The following WAC variants were observed in gnomAD, a reference collection of about 807,000 sequenced individuals.
WAC encodes the protein WW domain containing adaptor with coiled-coil, also known as WW domain-containing adapter protein with coiled-coil.
WAC carries 11 observed loss-of-function variants against 79.6 expected under a neutral mutation model. The ratio of observed to expected loss-of-function variants is 0.14; its 90% CI spans 0.09 to 0.23. The LOEUF (loss-of-function observed/expected upper bound fraction) is 0.23, where lower values mean the gene tolerates loss of function less well. WAC is among the 10% of genes least tolerant of loss of function. The pLI, the probability that WAC is intolerant of heterozygous loss-of-function variation, is 1.00. For synonymous variants in WAC, 304 were observed against 276.9 expected (o/e 1.10, Z -0.97); for missense variants, 728 against 773.5 (o/e 0.94, Z 0.70).
chr10:28,598,353 C>T (rs1340866765), intron 7 of WAC, among the ~76,000 whole-genome samples: 1 of 152,162 alleles, frequency 6.6e-6, no homozygotes, highest in African/African-American at 2.4e-5. Flanking sequence ...ATTATCTTTC[C>T]TGTCCTGAGC....
intron 10 of WAC, 50 bp from the exon 11 acceptor site, chr10:28,614,517 G>A (rs777775219): frequency 7.1e-7 from 1 of 1,404,244 alleles, no homozygotes; most frequent in Non-Finnish European, 1.0e-6. Context: ...TTTGGGGGGA[G>A]AGATGTGGAT....
chr10:28,588,011 A>G (rs972258204), intron 4 of WAC, among the ~76,000 whole-genome samples: 33 of 152,272 alleles, frequency 2.2e-4, no homozygotes, highest in African/African-American at 7.9e-4. Flanking sequence ...CTCCAGGATA[A>G]GTTGGCAAAC....
intron 7 of WAC, among the ~76,000 whole-genome samples, chr10:28,597,577 T>C (rs562421880): frequency 6.6e-6 from 1 of 152,188 alleles, no homozygotes; most frequent in African/African-American, 2.4e-5. Flanking sequence ...TGTTTGGTTC[T>C]TTTTCTTGTT....
chr10:28,591,700 G>C (rs767740355), intron 6 of WAC: 2 of 152,082 alleles, frequency 1.3e-5, no homozygotes, highest in Non-Finnish European at 2.9e-5. Flanking sequence ...AGTGTCCACA[G>C]AATTAAAAAT....
In WAC at chr10:28,535,565, C is replaced by G. The variant is rs761504685; in HGVS notation, c.82C>G (p.Leu28Val). 3 of 1,605,376 alleles carry G rather than the reference C, an allele frequency of 1.9e-6. No homozygotes were observed. In the South Asian group the frequency reaches 3.3e-5, roughly 18 times the overall value. Residue 28 changes from leucine (L) to valine (V), a missense_variant, in exon 3 of 14, where the codon CTT becomes GTT. Around this residue, in one of 3 missense-constraint regions of WAC, gnomAD observed 648 missense variants for 661.5 expected, o/e 0.98. Coordinates refer to ENST00000354911, the MANE Select transcript of WAC (RefSeq NM_016628.5). ...TTGGGGGGGTGATGTTTTACAGGCACTTAAGTATTCATCGAAGAGTCACCC... is the reference window on the plus strand; with the variant it reads ...TTGGGGGGGTGATGTTTTACAGGCAGTTAAGTATTCATCGAAGAGTCACCC... ...RRGDSQPYQA[L>V]KYSSKSHPSS...
intron 3 of WAC, among the ~76,000 whole-genome samples, chr10:28,555,474 A>G (rs1026609275): frequency 6.6e-6 from 1 of 151,938 alleles, no homozygotes; most frequent in African/African-American, 2.4e-5. Context: ...AGATACAAGA[A>G]CCACTGCAAC....
chr10:28,535,756 T>C lies in WAC; in HGVS notation c.273T>C (p.Gly91=). The C allele has an allele frequency of 1.9e-6, 3 of 1,600,236 alleles. No homozygotes were observed. The highest frequency in any genetic ancestry group is 2.6e-6 in the Non-Finnish European group (3 of 1,171,928). ...CTCACAGAGTTAGAGAGAGGGATGG[T>C]GGTGAGTATCTTTCTTGTTGAAACT... The part of the protein sequence containing the change: ...VHTHRVRERD[G]GTSYSPQENS... Residue 91 remains glycine, a splice_region_variant and synonymous_variant, in exon 3 of 14, where the codon GGT becomes GGC. Coordinates refer to ENST00000354911, the MANE Select transcript of WAC (RefSeq NM_016628.5).
intron 3 of WAC, among the ~76,000 whole-genome samples, chr10:28,546,455 G>A (rs1837352485): frequency 6.6e-6 from 1 of 152,172 alleles, no homozygotes; most frequent in Non-Finnish European, 1.5e-5. Context: ...AGCCTTTTCT[G>A]TGGTTATTGG....
rs371435954 is a variant in WAC at position 28,610,955 on chromosome 10, G to GT, written c.1288+142dup. The GT allele has an allele frequency of 1.5e-3, 1,528 of 1,004,174 alleles. 11 individuals carry two copies. Among genetic ancestry groups the GT allele is most frequent in the South Asian group, 0.013 (544 of 43,390 alleles). 62.2% of individuals were successfully genotyped at this position (1,004,174 alleles called of 1,614,324 possible). Reference sequence around the variant, plus strand: ...TTAAGAGATTAGCTACAATAATTTTGTTTTTTTTGTAACACTGGCATATAC... The same window carrying GT: ...TTAAGAGATTAGCTACAATAATTTTGTTTTTTTTTGTAACACTGGCATATAC... On this transcript the variant is annotated intron_variant, in intron 9 of 13. Transcript: ENST00000354911.
chr10:28,557,680 T>G (rs190796414), intron 3 of WAC, among the ~76,000 whole-genome samples: 1 of 152,056 alleles, frequency 6.6e-6, no homozygotes, highest in East Asian at 1.9e-4. Flanking sequence ...GGAGACAGAA[T>G]GAGACATTGT....
At chr10:28,533,675 G>GGA in intron 1 of WAC, 55 bp downstream of exon 1, 1 of 1,505,912 alleles carries the variant, frequency 6.6e-7, no homozygotes, top group African/African-American at 1.4e-5. Flanking sequence ...CGGCGGGGGG[G>GGA]CTGTTCCTCC....
chr10:28,567,957 C>CG (rs1473981068), intron 3 of WAC, among the ~76,000 whole-genome samples: 1 of 152,124 alleles, frequency 6.6e-6, no homozygotes, highest in Non-Finnish European at 1.5e-5. Flanking sequence ...AAGCTGGTCT[C>CG]GAACTCCTGG....
At chr10:28,590,115 G>GTT (rs1396810397) in intron 5 of WAC, among the ~76,000 whole-genome samples, 1 of 152,184 alleles carries the variant, frequency 6.6e-6, no homozygotes, top group Non-Finnish European at 1.5e-5. Context: ...GAGCCCAGGA[G>GTT]TTTGAGGCCA....
intron 7 of WAC, among the ~76,000 whole-genome samples, chr10:28,605,499 A>C (rs546836473): frequency 6.6e-6 from 1 of 152,314 alleles, no homozygotes; most frequent in East Asian, 1.9e-4. Context: ...GCCTTCAGAG[A>C]TGTCACTTGC....
intron 3 of WAC, among the ~76,000 whole-genome samples, chr10:28,574,463 G>T (rs1839141714): frequency 6.6e-6 from 1 of 151,564 alleles, no homozygotes; most frequent in Admixed American, 6.6e-5. Context: ...CTGTTTTTGA[G>T]ACAGTGTCTC....
chr10:28,538,092 G>C (rs1836779696), intron 3 of WAC, among the ~76,000 whole-genome samples: 1 of 152,240 alleles, frequency 6.6e-6, no homozygotes, highest in South Asian at 2.1e-4. Context: ...GGAATTGAGA[G>C]TACATCTTTG....
chr10:28,577,150 C>T (rs927251575), intron 3 of WAC, among the ~76,000 whole-genome samples: 11 of 152,194 alleles, frequency 7.2e-5, no homozygotes, highest in Middle Eastern at 3.4e-3. Flanking sequence ...CTATAAGTTT[C>T]GCTTTTCACC....
chr10:28,610,414 C>T (rs961553914), intron 8 of WAC, among the ~76,000 whole-genome samples: 8 of 151,960 alleles, frequency 5.3e-5, no homozygotes, highest in Non-Finnish European at 8.8e-5. Context: ...TGTGAACACT[C>T]GTTAAATTTT....
rs534149070 is a variant in WAC, at chr10:28,533,158, C to CCAG, written c.-420_-418dup. Among the ~76,000 whole-genome samples, 3 of 151,306 alleles carry CCAG rather than the reference C, an allele frequency of 2.0e-5. No individual in the cohort carries two copies. Among genetic ancestry groups the CCAG allele is most frequent in the African/African-American group, 7.3e-5 (3 of 41,234 alleles). On this transcript the variant is annotated 5_prime_UTR_variant, in exon 1 of 14. Transcript: ENST00000354911. ...AGTTGGTGGAGCGGCAGCGGCGGCA[C>CCAG]CAGCGGCGGCGGCGGCGGCGGGAGG...
Sources: gnomAD v4.1 joint callset for allele counts (sites outside exome capture counted in the v4.1 genomes callset) on GRCh38, gnomAD v4.1.1 for gene constraint, gnomAD v4.1.1 regional missense constraint, MANE v1.5 for transcripts, NCBI Gene and HGNC (gene_info 2026-07-23, HGNC 2026-07-21) for gene names.